The following GPRC6A variants were observed in gnomAD, a reference collection of about 807,000 sequenced individuals.
The protein encoded by GPRC6A is G protein-coupled receptor class C group 6 member A, also known as G protein-coupled receptor family C group 6 member A.
In GPRC6A, 54 loss-of-function variants were observed where a neutral mutation model predicts 47.0. The ratio of observed to expected loss-of-function variants is 1.15; its 90% CI spans 0.92 to 1.44. The LOEUF is 1.44. Ranked by LOEUF, GPRC6A falls within the 40% of genes most tolerant of loss-of-function variation. GPRC6A has a pLI of 0.00. For synonymous variants in GPRC6A, 347 were observed against 377.1 expected (o/e 0.92, Z 0.93); for missense variants, 1,112 against 1,105.5 (o/e 1.01, Z -0.08).
At chr6:116,796,268 C>CT (rs956394640) in intron 4 of GPRC6A, among the ~76,000 whole-genome samples, 54 of 150,604 alleles carry the variant, frequency 3.6e-4, no homozygotes, top group African/African-American at 1.3e-3. Flanking sequence ...CATGTCCTGT[C>CT]TAACTCCAAA....
chr6:116,809,103 T>G (rs1365685172), intron 2 of GPRC6A, among the ~76,000 whole-genome samples: 1 of 152,214 alleles, frequency 6.6e-6, no homozygotes, highest in East Asian at 1.9e-4. Context: ...TGCTGCTTTC[T>G]CAGATACTAG....
intron 3 of GPRC6A, among the ~76,000 whole-genome samples, chr6:116,804,851 C>T (rs572840148): frequency 3.5e-4 from 53 of 152,122 alleles, no homozygotes; most frequent in Middle Eastern, 6.8e-3. Context: ...TAACCATCCC[C>T]CGCTCCACTT....
At position 116,809,492 on chromosome 6, in the gene GPRC6A, G is replaced by T. The variant is rs1772956893; in HGVS notation, c.320C>A (p.Thr107Lys). 4 of 1,613,454 alleles carry T rather than the reference G, an allele frequency of 2.5e-6. No individual in the cohort carries two copies. The highest frequency in any genetic ancestry group is 3.4e-6 in the Non-Finnish European group (4 of 1,179,594). Reference protein sequence around the residue: ...YEIYDTCTEVTVAMAATLRFL... With the variant: ...YEIYDTCTEVKVAMAATLRFL... Reference sequence around the variant, plus strand: ...CCTCAGAGTGGCTGCCATTGCCACTGTGACTTCTGTACAAGTGTCATAGAT... The same window carrying T: ...CCTCAGAGTGGCTGCCATTGCCACTTTGACTTCTGTACAAGTGTCATAGAT... Residue 107 changes from threonine (T) to lysine (K), a missense_variant, in exon 2 of 6, where the codon ACA (threonine) becomes AAA (lysine). Transcript: ENST00000310357.
chr6:116,824,992 G>A (rs1392039659), intron 1 of GPRC6A, among the ~76,000 whole-genome samples: 1 of 152,000 alleles, frequency 6.6e-6, no homozygotes, highest in Non-Finnish European at 1.5e-5. Context: ...AAAACTATGT[G>A]ATCATCTCAA....
At chr6:116,796,462 A>G (rs1772491896) in intron 4 of GPRC6A, among the ~76,000 whole-genome samples, 1 of 152,044 alleles carries the variant, frequency 6.6e-6, no homozygotes, top group Non-Finnish European at 1.5e-5. Flanking sequence ...CTTTTATGGA[A>G]CCGTAGCTGG....
chr6:116,828,859 T>C lies in GPRC6A; in HGVS notation c.155A>G (p.Glu52Gly). ...GATTTGTGGTCGTCTGGGAGAGTCTTCTGAGGACAACATTTTTTCATGAAT... is the reference window on the plus strand; with the variant it reads ...GATTTGTGGTCGTCTGGGAGAGTCTCCTGAGGACAACATTTTTTCATGAAT... ...FAIHEKMLSS[E>G]DSPRRPQIQE... Residue 52 changes from glutamate to glycine, a missense_variant, in exon 1 of 6, where the codon GAA (glutamate) becomes GGA (glycine). Coordinates refer to ENST00000310357, the MANE Select transcript of GPRC6A (RefSeq NM_148963.4). The C allele has an allele frequency of 6.2e-7, 1 of 1,613,212 alleles. No individual in the cohort carries two copies. Among genetic ancestry groups the C allele is most frequent in the East Asian group, 2.2e-5 (1 of 44,870 alleles).
At chr6:116,808,134 A>G (rs1772913228) in intron 2 of GPRC6A, among the ~76,000 whole-genome samples, 1 of 152,090 alleles carries the variant, frequency 6.6e-6, no homozygotes, top group Non-Finnish European at 1.5e-5. Context: ...CTGTAAAGTT[A>G]TAAGATTCTT....
chr6:116,806,205 G>A (rs1338379703), intron 3 of GPRC6A, among the ~76,000 whole-genome samples, 165 bp downstream of exon 3: 1 of 152,094 alleles, frequency 6.6e-6, no homozygotes, highest in Non-Finnish European at 1.5e-5. Context: ...ATCTTGAAGA[G>A]TAAGGCACTA....
chr6:116,827,835 G>T (rs1331340455), intron 1 of GPRC6A, among the ~76,000 whole-genome samples: 1 of 151,938 alleles, frequency 6.6e-6, no homozygotes, highest in East Asian at 1.9e-4. Context: ...AGAATGCCAA[G>T]AAATCTTAGT....
chr6:116,821,755 C>T (rs1423597969), intron 1 of GPRC6A, among the ~76,000 whole-genome samples: 2 of 151,870 alleles, frequency 1.3e-5, no homozygotes, highest in African/African-American at 4.8e-5. Flanking sequence ...ACCATAAAAA[C>T]CCTAGAAGAA....
chr6:116,793,348 C>G (rs1772381096), intron 5 of GPRC6A, 98 bp from the exon 6 acceptor site: 1 of 785,326 alleles, frequency 1.3e-6, no homozygotes, highest in Non-Finnish European at 1.9e-6. Flanking sequence ...ATAGTTCTGA[C>G]TAGAGAATAG....
At chr6:116,808,385 T>G in intron 2 of GPRC6A, among the ~76,000 whole-genome samples, 1 of 152,174 alleles carries the variant, frequency 6.6e-6, no homozygotes. Context: ...ACGTATCACC[T>G]AACTAGTATC....
At chr6:116,819,406 T>G (rs1411745462) in intron 1 of GPRC6A, among the ~76,000 whole-genome samples, 1 of 151,252 alleles carries the variant, frequency 6.6e-6, no homozygotes, top group Non-Finnish European at 1.5e-5. Context: ...AGAATATACA[T>G]TTTTTTCAGC....
At chr6:116,798,488 T>G (rs1003446108) in intron 4 of GPRC6A, among the ~76,000 whole-genome samples, 3 of 152,110 alleles carry the variant, frequency 2.0e-5, no homozygotes, top group Non-Finnish European at 2.9e-5. Flanking sequence ...TTGTGTAGAA[T>G]TTTTAAAGAT....
intron 1 of GPRC6A, among the ~76,000 whole-genome samples, chr6:116,827,647 T>A (rs1773716314): frequency 6.6e-6 from 1 of 152,090 alleles, no homozygotes; most frequent in Admixed American, 6.6e-5. Flanking sequence ...ATTTAGTGTT[T>A]TCCATCCTTA....
chr6:116,796,056 C>T (rs1212890853), intron 4 of GPRC6A, among the ~76,000 whole-genome samples: 3 of 152,022 alleles, frequency 2.0e-5, no homozygotes, highest in Non-Finnish European at 4.4e-5. Flanking sequence ...TTAATAACTT[C>T]TGTAAGCAAA....
rs535525115 is a variant in GPRC6A at position 116,816,775 on chromosome 6, C to T, written c.195-7158G>A. 9.5e-4 allele frequency among the ~76,000 whole-genome samples: 144 copies of T among 152,270 alleles called. 1 individual carries two copies. Among genetic ancestry groups the T allele is most frequent in the Non-Finnish European group, 1.8e-3 (125 of 68,016 alleles). ...CTTTCCGAGTCAAAGAAAGGGGAGA[C>T]GGACGCACCTGGAAAATCGGGTCAC... On this transcript the variant is annotated intron_variant, in intron 1 of 5. Transcript: ENST00000310357.
intron 2 of GPRC6A, among the ~76,000 whole-genome samples, chr6:116,808,961 G>T (rs982830955): frequency 5.3e-5 from 8 of 152,238 alleles, no homozygotes; most frequent in Non-Finnish European, 1.0e-4. Flanking sequence ...CCGTCCCAGG[G>T]CTTACAAGAT....
Position 116,792,269 on chromosome 6 carries a change from G to T in GPRC6A, c.2654C>A (p.Ser885Tyr), listed in dbSNP as rs142518238. The part of the protein sequence containing the change: ...SGNVTMTNPS[S>Y]SGKSATWQKS... ...CTGCCAGGTTGCAGACTTGCCACTA[G>T]AGCTGGGATTGGTCATTGTGACATT... Residue 885 changes from serine to tyrosine, a missense_variant, in exon 6 of 6, where the codon TCT becomes TAT. By Grantham distance (144) the Ser-to-Tyr change is moderately radical (BLOSUM62 -2). Transcript: ENST00000310357. The T allele has an allele frequency of 3.4e-3, 5,466 of 1,614,036 alleles. 25 individuals are homozygous for T. Among genetic ancestry groups the T allele is most frequent in the Non-Finnish European group, 3.2e-3 (3,767 of 1,179,948 alleles).
Sources: allele counts gnomAD v4.1 joint callset (sites outside exome capture counted in the v4.1 genomes callset), GRCh38; gene constraint gnomAD v4.1.1; transcripts MANE v1.5; gene names NCBI Gene and HGNC (gene_info 2026-07-23, HGNC 2026-07-21).